Variants in ADH1C observed in about 807,000 individuals in gnomAD.
ADH1C encodes alcohol dehydrogenase 1C (class I), gamma polypeptide.
In ADH1C, 26 loss-of-function variants were observed where a neutral mutation model predicts 35.0. That is an observed-to-expected ratio of 0.74 (90% CI 0.54 to 1.03). ADH1C has a LOEUF of 1.03. Among genes scored for constraint, ADH1C ranks in the 50% least tolerant of loss-of-function variants. The probability of loss-of-function intolerance (pLI) is 0.00; values close to 1 mark genes in which losing one functional copy is unlikely to be tolerated. For missense variants in ADH1C, 413 were observed against 465.4 expected, an observed-to-expected ratio of 0.89 and a Z score of 1.04; for synonymous variants, 170 against 169.3, an observed-to-expected ratio of 1.00 and a Z score of -0.03.
At chr4:99,348,043 C>T (rs1323491818) in intron 1 of ADH1C, among the ~76,000 whole-genome samples, 197 bp from the exon 2 acceptor site, 1 of 151,992 alleles carries the variant, frequency 6.6e-6, no homozygotes, top group Non-Finnish European at 1.5e-5. Context: ...GAAAGATAAA[C>T]AGAGTTAAGT....
intron 3 of ADH1C, 148 bp from the exon 4 acceptor site, chr4:99,345,414 G>T (rs1383492505): frequency 6.9e-6 from 6 of 865,228 alleles, no homozygotes; most frequent in African/African-American, 1.7e-5. Context: ...ATTTGTCATT[G>T]CCTGCCAAGG....
rs5860576 is a variant in ADH1C, at chr4:99,339,512, G to GCCCCCCCC, written c.1103+57_1103+64dup. ...ACCTTTTCATTCTCTGCTAGACAAC[G>GCCCCCCCC]CCCCCCCCCCCCCCGCCGCTACTGT... On this transcript the variant is annotated intron_variant, in intron 8 of 8. Transcript: ENST00000515683. 82 of 743,872 alleles carry GCCCCCCCC rather than the reference G, an allele frequency of 1.1e-4. 3 individuals carry two copies. Among genetic ancestry groups the GCCCCCCCC allele is most frequent in the South Asian group, 3.9e-4 (18 of 45,676 alleles). 46.1% of individuals were successfully genotyped at this position (743,872 alleles called of 1,614,324 possible).
rs1734573591 is a variant in ADH1C, at chr4:99,347,842, A to G, written c.23T>C (p.Ile8Thr). MSTAGKV[I>T]KCKAAVLWEL... is the part of the protein sequence containing the mutation. ...CCATAGCACAGCTGCTTTGCATTTG[A>G]TTACCTAGAACATCAGACAGAGAGA... Residue 8 changes from isoleucine to threonine, a missense_variant, in exon 2 of 9, where the codon ATC (isoleucine) becomes ACC (threonine). Coordinates refer to ENST00000515683, the MANE Select transcript of ADH1C (RefSeq NM_000669.5). 4 of 1,613,730 alleles carry G rather than the reference A, an allele frequency of 2.5e-6. No individual in the cohort carries two copies. Among genetic ancestry groups the G allele is most frequent in the Non-Finnish European group, 1.7e-6 (2 of 1,179,748 alleles).
intron 5 of ADH1C, 72 bp downstream of exon 5, chr4:99,344,790 C>A: frequency 1.3e-6 from 2 of 1,572,958 alleles, no homozygotes; most frequent in African/African-American, 1.4e-5. Context: ...CTGATTCTTG[C>A]AAGAAATTGC....
At chr4:99,347,594 A>T in intron 2 of ADH1C, 151 bp downstream of exon 2, 1 of 666,694 alleles carries the variant, frequency 1.5e-6, no homozygotes, top group Non-Finnish European at 2.3e-6. Context: ...AAAAAATTTA[A>T]CAATTTATAC....
intron 1 of ADH1C, among the ~76,000 whole-genome samples, chr4:99,351,916 A>G (rs1734687513): frequency 6.6e-6 from 1 of 152,186 alleles, no homozygotes; most frequent in Non-Finnish European, 1.5e-5. Flanking sequence ...TTATAGAAGA[A>G]AAAACAAATA....
At chr4:99,340,211 G>A (rs996798258) in intron 7 of ADH1C, among the ~76,000 whole-genome samples, 3 of 152,098 alleles carry the variant, frequency 2.0e-5, no homozygotes, top group African/African-American at 7.2e-5. Context: ...TTGAGGTCAG[G>A]AGTTCGAGAC....
chr4:99,336,872 ATC>A, intron 8 of ADH1C, 96 bp from the exon 9 acceptor site: 1 of 1,549,556 alleles, frequency 6.5e-7, no homozygotes, highest in South Asian at 1.1e-5. Flanking sequence ...CTTAGTGAAA[ATC>A]TCTCTGTGTT....
intron 6 of ADH1C, among the ~76,000 whole-genome samples, chr4:99,342,113 A>G (rs568785363): frequency 1.3e-4 from 20 of 152,316 alleles, no homozygotes; most frequent in Admixed American, 1.0e-3. Context: ...TGCACAAAGT[A>G]TTTTACATGC....
chr4:99,346,691 G>A (rs1734536852), intron 3 of ADH1C, among the ~76,000 whole-genome samples: 1 of 152,072 alleles, frequency 6.6e-6, no homozygotes, highest in Non-Finnish European at 1.5e-5. Context: ...CACTAACGTG[G>A]AAGTTACTAG....
intron 7 of ADH1C, among the ~76,000 whole-genome samples, chr4:99,339,965 T>C (rs1477566765): frequency 6.6e-6 from 1 of 152,198 alleles, no homozygotes; most frequent in Non-Finnish European, 1.5e-5. Context: ...ATGCCCAAAG[T>C]TAAGGAGCAA....
chr4:99,348,888 C>T (rs1313641743), intron 1 of ADH1C, among the ~76,000 whole-genome samples: 1 of 151,852 alleles, frequency 6.6e-6, no homozygotes, highest in African/African-American at 2.4e-5. Flanking sequence ...TGATGATGAA[C>T]ATTTTTTCAT....
rs922793294 is a variant in ADH1C at position 99,336,564 on chromosome 4, T to C, written c.*188A>G. On this transcript the variant is annotated 3_prime_UTR_variant, in exon 9 of 9. Transcript: ENST00000515683. Reference sequence around the variant, plus strand: ...TGTTCAACACTTTATTTAGTTCTCATTTGGATTTTAAACATTTGCTTGACA... The same window carrying C: ...TGTTCAACACTTTATTTAGTTCTCACTTGGATTTTAAACATTTGCTTGACA... 3.0e-5 allele frequency: 22 copies of C among 744,740 alleles called. No homozygotes were observed. The highest frequency in any genetic ancestry group is 3.8e-4 in the Middle Eastern group (1 of 2,618). The allele number at this position is 744,740 out of a possible 1,614,324, so 46.1% of individuals were successfully genotyped here. A position where few individuals can be genotyped will look rare whatever the true frequency, so the allele number is the denominator to read the frequency against.
chr4:99,348,716 T>C (rs1183935735), intron 1 of ADH1C, among the ~76,000 whole-genome samples: 4 of 151,374 alleles, frequency 2.6e-5, no homozygotes, highest in African/African-American at 9.7e-5. Flanking sequence ...ACTTCCACAA[T>C]GGTTGAACTA....
rs778326690 is a variant in ADH1C at position 99,347,046 on chromosome 4, G to A, written c.219C>T (p.Ile73=). Residue 73 remains isoleucine (I), a synonymous_variant, in exon 3 of 9, where the codon ATC becomes ATT. Coordinates refer to ENST00000515683, the MANE Select transcript of ADH1C (RefSeq NM_000669.5). ...PVILGHEAAG[I]VESVGEGVTT... ...TCACCCCTTCTCCAACACTTTCCAC[G>A]ATGCCGGCTGCCTCATGGCCTAAAA... is the stretch of plus-strand genomic sequence containing the variant. 8 of 1,613,996 alleles carry A rather than the reference G, an allele frequency of 5.0e-6. No homozygotes were observed. The African/African-American group carries it at 6.7e-5, about 13-fold the overall frequency.
At chr4:99,345,663 T>G (rs1734515105) in intron 3 of ADH1C, among the ~76,000 whole-genome samples, 1 of 152,226 alleles carries the variant, frequency 6.6e-6, no homozygotes, top group African/African-American at 2.4e-5. Flanking sequence ...GTAGCCTATT[T>G]TAGTCCTAGT....
Position 99,340,709 on chromosome 4 carries a change from A to G in ADH1C, c.830T>C (p.Met277Thr). The G allele has an allele frequency of 1.2e-6, 2 of 1,612,484 alleles. No individual in the cohort carries two copies. The highest frequency in any genetic ancestry group is 4.5e-5 in the East Asian group (2 of 44,878). ...FEVIGRLDTMMASLLCCHEAC... is the reference protein window; with the variant it reads ...FEVIGRLDTMTASLLCCHEAC... ...CTCATGACAACATAACAGGGAAGCC[A>G]TCTGGAATAAAGTGAACATTTAGTA... is the stretch of plus-strand genomic sequence containing the variant. Residue 277 changes from methionine (M) to threonine (T), a missense_variant and splice_region_variant, in exon 7 of 9, where the codon ATG (methionine) becomes ACG (threonine). Coordinates refer to ENST00000515683, the MANE Select transcript of ADH1C (RefSeq NM_000669.5).
intron 1 of ADH1C, among the ~76,000 whole-genome samples, chr4:99,349,615 T>C (rs1734627552): frequency 6.6e-6 from 1 of 152,044 alleles, no homozygotes; most frequent in Admixed American, 6.6e-5. Flanking sequence ...ATGATGTCTC[T>C]TTCTCTATTT....
In ADH1C at chr4:99,347,117, C is replaced by T; in HGVS notation, c.148G>A (p.Asp50Asn). 6.2e-7 allele frequency: 1 copy of T among 1,613,994 alleles called. No homozygotes were observed. Among genetic ancestry groups the T allele is most frequent in the Non-Finnish European group, 8.5e-7 (1 of 1,179,950 alleles). ...AGGTTGCCACTAACCACATGCTCAT[C>T]TGAACGACAGATTCCTGCAGCCACC... ...KMVAAGICRS[D>N]EHVVSGNLVT... is the part of the protein sequence containing the mutation. Residue 50 changes from aspartate (D) to asparagine (N), a missense_variant, in exon 3 of 9, where the codon GAT (aspartate) becomes AAT (asparagine). Physicochemically the swap from Asp to Asn is conservative, Grantham distance 23 (BLOSUM62 1). Transcript: ENST00000515683.
Sources: allele counts gnomAD v4.1 joint callset (sites outside exome capture counted in the v4.1 genomes callset), GRCh38; gene constraint gnomAD v4.1.1; transcripts MANE v1.5; gene names NCBI Gene and HGNC (gene_info 2026-07-23, HGNC 2026-07-21).